Variants in KIAA0232 observed in about 807,000 individuals in gnomAD.
KIAA0232 encodes KIAA0232, also known as uncharacterized protein KIAA0232.
Under a neutral mutation model 122.0 loss-of-function variants are expected in KIAA0232, and 27 were observed. That is an observed-to-expected ratio of 0.22 (90% CI 0.16 to 0.31). The LOEUF (loss-of-function observed/expected upper bound fraction) is 0.31. Ranked by LOEUF, KIAA0232 falls within the 10% of genes least tolerant of loss-of-function variation. The pLI is 1.00. For synonymous variants in KIAA0232, 613 were observed against 587.6 expected (o/e 1.04, Z -0.63); for missense variants, 1,551 against 1,634.2 (o/e 0.95, Z 0.88).
intron 2 of KIAA0232, among the ~76,000 whole-genome samples, chr4:6,810,213 C>T (rs1037750691): frequency 6.6e-6 from 1 of 152,158 alleles, no homozygotes; most frequent in Non-Finnish European, 1.5e-5. Context: ...CAGCATGGTA[C>T]TGGTGTAAAA....
intron 3 of KIAA0232, among the ~76,000 whole-genome samples, chr4:6,838,487 C>T (rs865903574): frequency 6.6e-6 from 1 of 152,192 alleles, no homozygotes; most frequent in African/African-American, 2.4e-5. Context: ...CCATATGCCC[C>T]ACCTAAAGAT....
chr4:6,807,032 G>GTCTATCTATCTA lies in KIAA0232; in HGVS notation c.-270+2464_-270+2475dup, dbSNP rs71173468. On this transcript the variant is annotated intron_variant, in intron 2 of 9. Coordinates refer to ENST00000307659, the MANE Select transcript of KIAA0232 (RefSeq NM_014743.3). ...GTTTTTCCTTTTTGTCTGTCTGTCT[G>GTCTATCTATCTA]TCTATCTATCTATCTATCTATCTAT... Among the ~76,000 whole-genome samples, 779 of 145,846 alleles carry GTCTATCTATCTA rather than the reference G, an allele frequency of 5.3e-3. 6 individuals are homozygous for GTCTATCTATCTA. Among genetic ancestry groups the GTCTATCTATCTA allele is most frequent in the South Asian group, 9.6e-3 (43 of 4,500 alleles).
chr4:6,846,822 A>G (rs1719990516), intron 4 of KIAA0232, among the ~76,000 whole-genome samples: 1 of 152,104 alleles, frequency 6.6e-6, no homozygotes, highest in African/African-American at 2.4e-5. Context: ...CGAAAATTAT[A>G]ATGCACAATT....
chr4:6,851,722 TAAAA>T (rs74937263), intron 4 of KIAA0232, among the ~76,000 whole-genome samples: 4 of 97,220 alleles, frequency 4.1e-5, no homozygotes, highest in Non-Finnish European at 5.8e-5. Context: ...TCTCAAAAAT[TAAAA>T]AAAAAAAAAA....
At chr4:6,821,057 C>G (rs1013321997) in intron 2 of KIAA0232, among the ~76,000 whole-genome samples, 6 of 152,182 alleles carry the variant, frequency 3.9e-5, no homozygotes, top group Non-Finnish European at 5.9e-5. Flanking sequence ...TCTTAAAGGT[C>G]TTACCTCTTA....
intron 1 of KIAA0232, among the ~76,000 whole-genome samples, chr4:6,793,177 A>G (rs1253194514): frequency 6.6e-6 from 1 of 151,944 alleles, no homozygotes; most frequent in African/African-American, 2.4e-5. Context: ...ACTAATTACC[A>G]TTAGTTAATT....
chr4:6,857,819 T>A (rs993469264), intron 5 of KIAA0232, among the ~76,000 whole-genome samples: 1 of 152,168 alleles, frequency 6.6e-6, no homozygotes, highest in African/African-American at 2.4e-5. Context: ...ATATTAAGGG[T>A]GAGGATCCTT....
rs35090346 is a variant in KIAA0232, at chr4:6,815,045, T to TAA, written c.-269-9130_-269-9129dup. Among the ~76,000 whole-genome samples the TAA allele has an allele frequency of 3.3e-4, 48 of 147,472 alleles. No homozygotes were observed. In the East Asian group the frequency reaches 3.7e-3, roughly 11 times the overall value. On this transcript the variant is annotated intron_variant, in intron 2 of 9. Coordinates refer to ENST00000307659, the MANE Select transcript of KIAA0232 (RefSeq NM_014743.3). Reference sequence around the variant, plus strand: ...AGCCTCTGAAGAGGGAAGGGAACGTTAAAAAAAAAAACACTTGATATATAG... The same window carrying TAA: ...AGCCTCTGAAGAGGGAAGGGAACGTTAAAAAAAAAAAAACACTTGATATATAG...
chr4:6,852,727 C>A (rs1720359690), intron 4 of KIAA0232, among the ~76,000 whole-genome samples: 1 of 152,218 alleles, frequency 6.6e-6, no homozygotes, highest in African/African-American at 2.4e-5. Context: ...GGAGGTTCTT[C>A]TGCTGTTCTT....
chr4:6,825,438 G>A lies in KIAA0232; in HGVS notation c.231+754G>A, dbSNP rs138540956. Among the ~76,000 whole-genome samples, 232 of 152,110 alleles carry A rather than the reference G, an allele frequency of 1.5e-3. 1 individual carries two copies. The highest frequency in any genetic ancestry group is 5.3e-3 in the African/African-American group (219 of 41,508). Reference sequence around the variant, plus strand: ...GGTAGCATGTGCCTGTAGTCAGTCCGTAGCTACTCAGGAGGCTGAGGTGGG... The same window carrying A: ...GGTAGCATGTGCCTGTAGTCAGTCCATAGCTACTCAGGAGGCTGAGGTGGG... On this transcript the variant is annotated intron_variant, in intron 3 of 9. Transcript: ENST00000307659.
chr4:6,796,361 C>A (rs1326024890), intron 1 of KIAA0232, among the ~76,000 whole-genome samples: 1 of 152,086 alleles, frequency 6.6e-6, no homozygotes, highest in Non-Finnish European at 1.5e-5. Context: ...TATGTCTCAG[C>A]CTCCCAAGTC....
chr4:6,787,061 G>T (rs1032424593), intron 1 of KIAA0232, among the ~76,000 whole-genome samples: 6 of 151,144 alleles, frequency 4.0e-5, no homozygotes, highest in African/African-American at 1.5e-4. Context: ...CACGCCTATA[G>T]TCCCAGCTAC....
At chr4:6,825,538 G>A (rs917360676) in intron 3 of KIAA0232, among the ~76,000 whole-genome samples, 2 of 152,074 alleles carry the variant, frequency 1.3e-5, no homozygotes, top group Admixed American at 6.6e-5. Context: ...CTTGGCAACA[G>A]AGCAAGACCC....
intron 4 of KIAA0232, among the ~76,000 whole-genome samples, chr4:6,847,712 G>C (rs989062012): frequency 6.6e-6 from 1 of 152,084 alleles, no homozygotes; most frequent in East Asian, 1.9e-4. Flanking sequence ...ATGGTATTGT[G>C]AATCAGCCAT....
chr4:6,842,270 A>G (rs1560187272), intron 4 of KIAA0232, 66 bp downstream of exon 4: 6 of 1,503,378 alleles, frequency 4.0e-6, no homozygotes, highest in Middle Eastern at 1.8e-4. Flanking sequence ...GTTTACAAAT[A>G]TGACAACTTG....
At chr4:6,849,781 A>G (rs1388287577) in intron 4 of KIAA0232, among the ~76,000 whole-genome samples, 2 of 152,146 alleles carry the variant, frequency 1.3e-5, no homozygotes, top group Non-Finnish European at 2.9e-5. Flanking sequence ...AAAAAAAAAA[A>G]GTAATTTCTA....
Position 6,855,926 on chromosome 4 carries a change from T to G in KIAA0232, c.370-1238T>G. 3.3e-6 allele frequency: 3 copies of G among 897,858 alleles called. No individual in the cohort carries two copies. The highest frequency in any genetic ancestry group is 4.0e-6 in the Non-Finnish European group (3 of 750,192). 55.6% of individuals were successfully genotyped at this position (897,858 alleles called of 1,614,324 possible). On this transcript the variant is annotated intron_variant, in intron 4 of 9. Transcript: ENST00000307659. The surrounding 1 kb of genome is among the most constrained non-coding windows in gnomAD (Gnocchi z 4.3). ...AAGCAGGTGCTTTCTGGTGCAACTG[T>G]TTGTGGTTGAACAGTGTTTATGACT...
intron 1 of KIAA0232, among the ~76,000 whole-genome samples, chr4:6,787,177 CAAAAAAAA>C (rs34617834): frequency 9.2e-4 from 75 of 81,406 alleles, no homozygotes; most frequent in Admixed American, 1.9e-3. Flanking sequence ...AAGGCTCTCT[CAAAAAAAA>C]AAAAAAAAAA....
chr4:6,784,384 C>A (rs1356515649), intron 1 of KIAA0232, among the ~76,000 whole-genome samples: 1 of 151,856 alleles, frequency 6.6e-6, no homozygotes, highest in East Asian at 1.9e-4. Context: ...AAGACCCGTT[C>A]CAGAACACTT....
Sources: allele counts gnomAD v4.1 joint callset (sites outside exome capture counted in the v4.1 genomes callset), GRCh38; gene constraint gnomAD v4.1.1; non-coding constraint Gnocchi (gnomAD v3.1); transcripts MANE v1.5; gene names NCBI Gene and HGNC (gene_info 2026-07-23, HGNC 2026-07-21).